The following EYA3 variants were observed in gnomAD, a reference collection of about 807,000 sequenced individuals.
EYA3 encodes protein phosphatase EYA3.
EYA3 carries 39 observed loss-of-function variants against 80.0 expected under a neutral mutation model. That is an observed-to-expected ratio of 0.49 (90% CI 0.38 to 0.64). The LOEUF is 0.64. EYA3 is among the 30% of genes least tolerant of loss of function. EYA3 has a pLI of 0.00. For missense variants in EYA3, 523 were observed against 676.1 expected (o/e 0.77, Z 2.51); for synonymous variants, 206 against 232.8 (o/e 0.88, Z 1.05).
intron 14 of EYA3, among the ~76,000 whole-genome samples, chr1:27,992,710 G>A (rs771733229): frequency 3.3e-5 from 5 of 152,144 alleles, no homozygotes; most frequent in Non-Finnish European, 7.4e-5. Context: ...AAAAGTTAGG[G>A]AATGTGAATT....
intron 2 of EYA3, among the ~76,000 whole-genome samples, chr1:28,050,789 G>A (rs1644218432): frequency 6.6e-6 from 1 of 152,162 alleles, no homozygotes; most frequent in African/African-American, 2.4e-5. Context: ...CTAGGCAGTA[G>A]AGGCAGGTAA....
intron 1 of EYA3, among the ~76,000 whole-genome samples, chr1:28,074,990 C>G (rs918214966): frequency 3.9e-5 from 6 of 152,142 alleles, no homozygotes; most frequent in African/African-American, 1.4e-4. Flanking sequence ...AATGACTGGG[C>G]AGAGACTTCC....
chr1:28,076,402 A>T (rs1356586099), intron 1 of EYA3, among the ~76,000 whole-genome samples: 5 of 152,166 alleles, frequency 3.3e-5, no homozygotes, highest in Non-Finnish European at 5.9e-5. Context: ...ATAGAAAAAA[A>T]TACTAGTTTA....
chr1:28,006,086 CAGAG>C (rs1383333230), intron 10 of EYA3, among the ~76,000 whole-genome samples: 1 of 148,994 alleles, frequency 6.7e-6, no homozygotes, highest in African/African-American at 2.5e-5. Context: ...GTGTGGGCAA[CAGAG>C]AGAGGTTCTG....
At chr1:27,993,367 C>T (rs1294917445) in intron 14 of EYA3, 33 bp downstream of exon 14, 1 of 1,589,970 alleles carries the variant, frequency 6.3e-7, no homozygotes, top group Non-Finnish European at 8.5e-7. Flanking sequence ...CAGGAAGAAA[C>T]AGAGAATCAG....
rs74525723 is a variant in EYA3 at position 28,038,439 on chromosome 1, T to TAAAAAAAAAAAA, written c.224+388_224+399dup. ...CAACAAACAGAGTGAGATTCTATCT[T>TAAAAAAAAAAAA]AAAAAAAAAAAAAAAAAAAAAAAAA... On this transcript the variant is annotated intron_variant, in intron 5 of 17. Coordinates refer to ENST00000373871, the MANE Select transcript of EYA3 (RefSeq NM_001990.4). Among the ~76,000 whole-genome samples the TAAAAAAAAAAAA allele has an allele frequency of 2.9e-3, 201 of 68,474 alleles. 4 individuals are homozygous for TAAAAAAAAAAAA. The highest frequency in any genetic ancestry group is 3.8e-3 in the African/African-American group (67 of 17,568). The allele number at this position is 68,474 out of a possible 152,430, so 44.9% of individuals were successfully genotyped here. A position where few individuals can be genotyped will look rare whatever the true frequency, so the allele number is the denominator to read the frequency against.
Position 28,042,620 on chromosome 1 carries a change from C to T in EYA3, c.108G>A (p.Gln36=), listed in dbSNP as rs1643848038. The change falls in exon 4 of 18, where the codon CAG becomes CAA. Residue 36 remains glutamine (Q), a synonymous_variant. Transcript: ENST00000373871. ...SQVSNPDVSD[Q]KPETSSLASN... ...AAGCAAGGCTTGATGTTTCAGGCTT[C>T]TGATCACTGACATCTGGATTGCTTA... The T allele has an allele frequency of 6.2e-7, 1 of 1,614,090 alleles. No homozygotes were observed. The highest frequency in any genetic ancestry group is 8.5e-7 in the Non-Finnish European group (1 of 1,180,022).
At chr1:27,978,656 G>T (rs1319781057) in intron 16 of EYA3, among the ~76,000 whole-genome samples, 182 bp from the exon 17 acceptor site, 1 of 152,188 alleles carries the variant, frequency 6.6e-6, no homozygotes, top group African/African-American at 2.4e-5. Flanking sequence ...CCCAAAGAAT[G>T]TGAAGTTGTG....
At chr1:28,073,953 TAC>T (rs1405587822) in intron 1 of EYA3, among the ~76,000 whole-genome samples, 1 of 152,172 alleles carries the variant, frequency 6.6e-6, no homozygotes, top group Non-Finnish European at 1.5e-5. Flanking sequence ...TTTTTATGAG[TAC>T]AGAGATCTGA....
chr1:28,048,247 CA>C, intron 3 of EYA3, 135 bp downstream of exon 3: 1 of 581,088 alleles, frequency 1.7e-6, no homozygotes, highest in Non-Finnish European at 3.0e-6. Flanking sequence ...AATCTTAAAC[CA>C]AATAATTTCA....
At chr1:28,018,195 CAAAAA>C (rs957991832) in intron 7 of EYA3, among the ~76,000 whole-genome samples, 1 of 132,554 alleles carries the variant, frequency 7.5e-6, no homozygotes, top group African/African-American at 2.8e-5. Context: ...GACTCTGTCT[CAAAAA>C]AAAAGAAAAG....
At chr1:28,071,669 A>C (rs1035827898) in intron 1 of EYA3, among the ~76,000 whole-genome samples, 20 of 152,224 alleles carry the variant, frequency 1.3e-4, no homozygotes, top group Non-Finnish European at 5.9e-5. Context: ...TATTCATAGA[A>C]TATTTCAAGC....
chr1:28,062,715 A>C (rs995958320), intron 1 of EYA3, among the ~76,000 whole-genome samples: 1 of 143,332 alleles, frequency 7.0e-6, no homozygotes, highest in African/African-American at 2.5e-5. Context: ...AAAAGCACAG[A>C]ATAGGCTGGG....
intron 1 of EYA3, among the ~76,000 whole-genome samples, chr1:28,068,126 A>C (rs1644897081): frequency 6.6e-6 from 1 of 152,046 alleles, no homozygotes; most frequent in South Asian, 2.1e-4. Flanking sequence ...ACCTGAGGTC[A>C]GGAGTTCGAG....
chr1:27,993,552 C>A lies in EYA3; in HGVS notation c.1151G>T (p.Ser384Ile), dbSNP rs781175828. The stretch of plus-strand genomic sequence containing the variant: ...GCCACTGAAACCATCTGTTGAGAAA[C>A]TGTAGTTGCTGCAAGGAGAGAAGAT... ...DDNGQDLSNYSFSTDGFSGSG... is the reference protein window; with the variant it reads ...DDNGQDLSNYIFSTDGFSGSG... Residue 384 changes from serine to isoleucine, a missense_variant, in exon 14 of 18, where the codon AGT becomes ATT. Physicochemically the swap from Ser to Ile is moderately radical, Grantham distance 142 (BLOSUM62 -2). Around this residue, in one of 2 missense-constraint regions of EYA3, gnomAD observed 219 missense variants for 332.8 expected, o/e 0.66. Coordinates refer to ENST00000373871, the MANE Select transcript of EYA3 (RefSeq NM_001990.4). 9.6e-5 allele frequency: 152 copies of A among 1,581,882 alleles called. No individual in the cohort carries two copies. The highest frequency in any genetic ancestry group is 1.2e-4 in the Non-Finnish European group (141 of 1,170,820).
At chr1:28,020,667 C>CGTGTGTGTGTGT (rs56017264) in intron 7 of EYA3, among the ~76,000 whole-genome samples, 3,880 of 134,398 alleles carry the variant, frequency 0.029, 94 homozygotes, top group Non-Finnish European at 0.033. Context: ...TACAGATCAT[C>CGTGTGTGTGTGT]GTGTGTGTGT....
intron 2 of EYA3, among the ~76,000 whole-genome samples, chr1:28,050,186 TATTA>T (rs1557617098): frequency 1.5e-5 from 2 of 132,278 alleles, no homozygotes; most frequent in South Asian, 2.5e-4. Context: ...TTATTATTAT[TATTA>T]TTATTATTAT....
chr1:28,047,639 CTTT>C (rs370957666), intron 3 of EYA3, among the ~76,000 whole-genome samples: 4 of 133,202 alleles, frequency 3.0e-5, no homozygotes, highest in African/African-American at 2.8e-5. Context: ...CCTCTTTTCT[CTTT>C]TTTTTTTTTT....
intron 6 of EYA3, chr1:28,031,818 C>A (rs574454643): frequency 6.6e-6 from 1 of 152,198 alleles, no homozygotes; most frequent in South Asian, 2.1e-4. Context: ...TTTAAAACGT[C>A]TGTAGGAAAA....
Sources: gnomAD v4.1 joint callset for allele counts (sites outside exome capture counted in the v4.1 genomes callset) on GRCh38, gnomAD v4.1.1 for gene constraint, gnomAD v4.1.1 regional missense constraint, MANE v1.5 for transcripts, NCBI Gene and HGNC (gene_info 2026-07-23, HGNC 2026-07-21) for gene names.